The following PRSS3 variants were observed in gnomAD, a reference collection of about 807,000 sequenced individuals.
PRSS3 encodes trypsin-3.
Under a neutral mutation model 20.8 loss-of-function variants are expected in PRSS3, and 14 were observed. That is an observed-to-expected ratio of 0.67 (90% CI 0.44 to 1.05). The LOEUF (loss-of-function observed/expected upper bound fraction) is 1.05. Among genes scored for constraint, PRSS3 ranks in the 50% least tolerant of loss-of-function variants. The probability of loss-of-function intolerance (pLI) is 0.00; values close to 1 mark genes in which losing one functional copy is unlikely to be tolerated. For synonymous variants in PRSS3, 91 were observed against 117.6 expected, an observed-to-expected ratio of 0.77 and a Z score of 1.46; for missense variants, 237 against 306.4, an observed-to-expected ratio of 0.77 and a Z score of 1.69.
chr9:33,790,722 G>A (rs10971707), upstream of PRSS3, among the ~76,000 whole-genome samples: 8,686 of 152,244 alleles, frequency 0.057, 848 homozygotes, highest in African/African-American at 0.2. Context: ...ATGCATGCAC[G>A]TGTACTCACA....
At chr9:33,782,430 A>C (rs909103055) in intron 1 of PRSS3, among the ~76,000 whole-genome samples, 2 of 152,218 alleles carry the variant, frequency 1.3e-5, no homozygotes, top group African/African-American at 4.8e-5. Flanking sequence ...CTAAAATAAA[A>C]GTTGAAATTT....
intron 1 of PRSS3, among the ~76,000 whole-genome samples, chr9:33,772,377 C>A (rs1465946001): frequency 6.6e-6 from 1 of 152,068 alleles, no homozygotes; most frequent in Non-Finnish European, 1.5e-5. Context: ...CCATCCTGTG[C>A]TTTGGAGGAT....
intron 1 of PRSS3, among the ~76,000 whole-genome samples, chr9:33,789,284 C>T (rs1824532800): frequency 6.6e-6 from 1 of 152,114 alleles, no homozygotes; most frequent in Admixed American, 6.5e-5. Context: ...TTCATGCTTG[C>T]CTCTGTCAAG....
chr9:33,778,857 G>A (rs1249168394), intron 1 of PRSS3, among the ~76,000 whole-genome samples: 1 of 152,146 alleles, frequency 6.6e-6, no homozygotes, highest in East Asian at 1.9e-4. Context: ...ACCCACCTCA[G>A]AGCATGCCTG....
chr9:33,774,860 C>T (rs1480740057), intron 1 of PRSS3, among the ~76,000 whole-genome samples: 1 of 151,950 alleles, frequency 6.6e-6, no homozygotes, highest in Non-Finnish European at 1.5e-5. Context: ...GTGGCGCACG[C>T]CTGTAATCCC....
upstream of PRSS3, chr9:33,793,591 G>A (rs927311887): frequency 8.5e-6 from 6 of 704,400 alleles, no homozygotes; most frequent in African/African-American, 1.2e-4. Context: ...AGAAAAGCAG[G>A]AGGAAGGAAT....
At chr9:33,787,471 C>T (rs191642126) in intron 1 of PRSS3, among the ~76,000 whole-genome samples, 23 of 152,270 alleles carry the variant, frequency 1.5e-4, no homozygotes, top group Admixed American at 1.2e-3. Context: ...GCTGCTGCAC[C>T]TTAGATCATC....
intron 1 of PRSS3, among the ~76,000 whole-genome samples, chr9:33,760,807 G>C (rs1331561981): frequency 1.3e-5 from 2 of 151,280 alleles, no homozygotes; most frequent in Non-Finnish European, 2.9e-5. Context: ...CAAGGTCACA[G>C]AGTGAATTCC....
upstream of PRSS3, among the ~76,000 whole-genome samples, chr9:33,792,722 C>T (rs895776591): frequency 3.3e-5 from 5 of 152,122 alleles, no homozygotes; most frequent in Non-Finnish European, 5.9e-5. Context: ...AATGGGCAAT[C>T]GCATAAGTGG....
chr9:33,798,868 T>A (rs905504749), intron 4 of PRSS3, 160 bp from the exon 5 acceptor site: 2 of 1,113,362 alleles, frequency 1.8e-6, no homozygotes, highest in Admixed American at 2.1e-5. Context: ...TCCCTTGTGC[T>A]GCACGCTGCC....
In PRSS3 at chr9:33,781,197, C is replaced by T. The variant is rs184333211; in HGVS notation, c.-52-13549C>T. ...AGCAATCCCATTATTGATTATATAT[C>T]CAAAGGAAACTAGATCATTATACCA... is the stretch of plus-strand genomic sequence containing the variant. On this transcript the variant is annotated intron_variant, in intron 1 of 5. Transcript: ENST00000342836. Among the ~76,000 whole-genome samples, 38 of 152,236 alleles carry T rather than the reference C, an allele frequency of 2.5e-4. 1 individual carries two copies. Among genetic ancestry groups the T allele is most frequent in the African/African-American group, 8.7e-4 (36 of 41,534 alleles).
At chr9:33,767,365 A>G (rs1346357951) in intron 1 of PRSS3, among the ~76,000 whole-genome samples, 2 of 152,212 alleles carry the variant, frequency 1.3e-5, no homozygotes, top group African/African-American at 4.8e-5. Flanking sequence ...AACATATGGC[A>G]TTATGGGCAG....
chr9:33,763,422 G>A (rs71519291), intron 1 of PRSS3, among the ~76,000 whole-genome samples: 15,601 of 152,238 alleles, frequency 0.1, 1,120 homozygotes, highest in Non-Finnish European at 0.14. Context: ...GGTGGAGGCC[G>A]GGCGTGGTGG....
At chr9:33,776,687 G>C (rs1437058485) in intron 1 of PRSS3, among the ~76,000 whole-genome samples, 1 of 151,992 alleles carries the variant, frequency 6.6e-6, no homozygotes, top group Admixed American at 6.5e-5. Flanking sequence ...TCTAATAAAG[G>C]CACCTGAAAG....
At chr9:33,775,712 T>TA (rs1336014558) in intron 1 of PRSS3, among the ~76,000 whole-genome samples, 2 of 150,732 alleles carry the variant, frequency 1.3e-5, no homozygotes, top group African/African-American at 4.9e-5. Context: ...TTTTTTTTTT[T>TA]TTTTTTTGGA....
chr9:33,775,462 G>A (rs1823879833), intron 1 of PRSS3, among the ~76,000 whole-genome samples: 1 of 151,644 alleles, frequency 6.6e-6, no homozygotes, highest in African/African-American at 2.4e-5. Context: ...AGCCCCACTT[G>A]GGGCAAGCAG....
Position 33,797,826 on chromosome 9 carries a change from C to A in PRSS3, c.201-3C>A. The stretch of plus-strand genomic sequence containing the variant: ...TCTTCACCATGCCTGCCCTGCCCAT[C>A]AGCCGCATCCAGGTGAGACTGGGAG... On this transcript the variant is annotated splice_region_variant and splice_polypyrimidine_tract_variant and intron_variant, in intron 2 of 4. Transcript: ENST00000379405. The A allele has an allele frequency of 6.2e-7, 1 of 1,614,260 alleles. No individual in the cohort carries two copies. Among genetic ancestry groups the A allele is most frequent in the Non-Finnish European group, 8.5e-7 (1 of 1,180,046 alleles).
intron 1 of PRSS3, among the ~76,000 whole-genome samples, chr9:33,755,175 G>A (rs564194086): frequency 3.2e-4 from 48 of 152,284 alleles, no homozygotes; most frequent in African/African-American, 1.1e-3. Context: ...GAGAAACACC[G>A]AATGTCGGGT....
intron 2 of PRSS3, 39 bp downstream of exon 2, chr9:33,796,841 G>C (rs772094278): frequency 1.9e-6 from 3 of 1,613,770 alleles, no homozygotes; most frequent in East Asian, 2.2e-5. Context: ...TCCCAGCCAG[G>C]CTGCCTGGGA....
Sources: gnomAD v4.1 joint callset for allele counts (sites outside exome capture counted in the v4.1 genomes callset) on GRCh38, gnomAD v4.1.1 for gene constraint, MANE v1.5 for transcripts, NCBI Gene and HGNC (gene_info 2026-07-23, HGNC 2026-07-21) for gene names.